Variants in KDM4A observed in about 807,000 individuals in gnomAD.
KDM4A encodes lysine-specific demethylase 4A.
KDM4A carries 23 observed loss-of-function variants against 127.1 expected under a neutral mutation model. That is an observed-to-expected ratio of 0.18 (90% CI 0.13 to 0.26). The LOEUF (loss-of-function observed/expected upper bound fraction) is 0.26. Among genes scored for constraint, KDM4A ranks in the 10% least tolerant of loss-of-function variants. The pLI, the probability that KDM4A is intolerant of heterozygous loss-of-function variation, is 1.00. For missense variants in KDM4A, 890 were observed against 1,329.1 expected (o/e 0.67, Z 5.14); for synonymous variants, 443 against 466.5 (o/e 0.95, Z 0.65).
At chr1:43,691,473 G>A (rs767792031) in intron 14 of KDM4A, 23 bp from the exon 15 acceptor site, 2 of 1,598,504 alleles carry the variant, frequency 1.3e-6, no homozygotes, top group South Asian at 1.1e-5. Flanking sequence ...GGTTTAATTT[G>A]CTCATCTTGG....
chr1:43,678,906 A>C (rs1379408407), intron 11 of KDM4A, among the ~76,000 whole-genome samples: 1 of 152,172 alleles, frequency 6.6e-6, no homozygotes, highest in Admixed American at 6.5e-5. Flanking sequence ...AATTGTGGTA[A>C]TATATACACG....
At position 43,704,982 on chromosome 1, in the gene KDM4A, G is replaced by A. The variant is rs1432134304; in HGVS notation, c.*612G>A. On this transcript the variant is annotated 3_prime_UTR_variant, in exon 22 of 22. Transcript: ENST00000372396. ...CCTGGAACCGTCTCAAGACAGTGCTGGCAAAGCTGCAGTATTGAGATGCTA... is the reference window on the plus strand; with the variant it reads ...CCTGGAACCGTCTCAAGACAGTGCTAGCAAAGCTGCAGTATTGAGATGCTA... 6.5e-6 allele frequency: 1 copy of A among 153,176 alleles called. No individual in the cohort carries two copies. Among genetic ancestry groups the A allele is most frequent in the East Asian group, 1.9e-4 (1 of 5,192 alleles). The allele number at this position is 153,176 out of a possible 1,614,324, so 9.5% of individuals were successfully genotyped here.
intron 11 of KDM4A, among the ~76,000 whole-genome samples, chr1:43,679,196 T>C (rs900044365): frequency 1.9e-4 from 29 of 152,218 alleles, no homozygotes; most frequent in African/African-American, 6.8e-4. Context: ...CTTAATGCCC[T>C]TGCCATAGGC....
chr1:43,654,473 T>C (rs899103817), intron 2 of KDM4A, among the ~76,000 whole-genome samples: 14 of 152,104 alleles, frequency 9.2e-5, no homozygotes, highest in African/African-American at 3.4e-4. Flanking sequence ...TTTTTTTTCT[T>C]TTTTCCTTTT....
At position 43,668,050 on chromosome 1, in the gene KDM4A, G is replaced by A. The variant is rs148484853; in HGVS notation, c.1163+31G>A. ...CCAGCAGCCCTTTTGTCCTGGCTGC[G>A]TGAGGGAGGGATGTCTGGGTAGGTC... is the stretch of plus-strand genomic sequence containing the variant. On this transcript the variant is annotated intron_variant, in intron 9 of 21. Transcript: ENST00000372396. 2.2e-3 allele frequency: 3,549 copies of A among 1,611,582 alleles called. 62 individuals are homozygous for A. In the Admixed American group the frequency reaches 0.034, roughly 16 times the overall value.
At chr1:43,656,500 G>T (rs930935932) in intron 3 of KDM4A, among the ~76,000 whole-genome samples, 3 of 151,294 alleles carry the variant, frequency 2.0e-5, no homozygotes, top group Non-Finnish European at 4.4e-5. Flanking sequence ...ACCATGCTTG[G>T]CTATTTTTTG....
intron 18 of KDM4A, among the ~76,000 whole-genome samples, chr1:43,695,747 A>C (rs1464480443): frequency 1.3e-5 from 2 of 152,222 alleles, no homozygotes. Context: ...AAATGGGAAC[A>C]CATAGGCAGG....
Position 43,699,726 on chromosome 1 carries a change from T to TC in KDM4A, c.2841+1713_2841+1714insC, listed in dbSNP as rs1442140761. On this transcript the variant is annotated intron_variant, in intron 19 of 21. Transcript: ENST00000372396. ...ATTTTGCAAATCTCTTTAATGTCTT[T>TC]TTTTTTTTTTTTTGAGATGGAGTCT... 7 of 150,774 alleles carry TC rather than the reference T, an allele frequency of 4.6e-5. No individual in the cohort carries two copies. In the East Asian group the frequency reaches 1.2e-3, roughly 25 times the overall value. 9.3% of individuals were successfully genotyped at this position (150,774 alleles called of 1,614,324 possible).
intron 18 of KDM4A, among the ~76,000 whole-genome samples, chr1:43,696,581 G>A (rs180760717): frequency 9.2e-4 from 140 of 152,316 alleles, no homozygotes; most frequent in Admixed American, 6.3e-3. Flanking sequence ...AGACTCCGGA[G>A]TGTCTCAAGG....
intron 3 of KDM4A, among the ~76,000 whole-genome samples, chr1:43,655,971 T>C (rs1425203171): frequency 1.3e-5 from 2 of 152,338 alleles, no homozygotes; most frequent in Admixed American, 6.5e-5. Flanking sequence ...CCTGTTCTTA[T>C]AACAACAAAT....
At chr1:43,657,099 T>C (rs937823126) in intron 3 of KDM4A, among the ~76,000 whole-genome samples, 2 of 151,754 alleles carry the variant, frequency 1.3e-5, no homozygotes, top group Non-Finnish European at 2.9e-5. Context: ...TGCTGCCCAG[T>C]TTGGTCTTGA....
chr1:43,669,347 T>C (rs937657202), intron 10 of KDM4A, 48 bp downstream of exon 10: 1 of 1,568,568 alleles, frequency 6.4e-7, no homozygotes, highest in South Asian at 1.1e-5. Context: ...CATATATGTG[T>C]CCCGTGTTAG....
In KDM4A at chr1:43,683,704, T is replaced by G; in HGVS notation, c.1755T>G (p.Phe585Leu). Residue 585 changes from phenylalanine to leucine, a missense_variant, in exon 12 of 22, where the codon TTT (phenylalanine) becomes TTG (leucine). Coordinates refer to ENST00000372396, the MANE Select transcript of KDM4A (RefSeq NM_014663.3). ...CCCAGGTTGCAGATGAATACATGTT[T>G]TCCCTAGAAGAGAATAAGAAGTCCA... ...ELAEVADEYM[F>L]SLEENKKSKG... 6.2e-7 allele frequency: 1 copy of G among 1,613,402 alleles called. No homozygotes were observed. Among genetic ancestry groups the G allele is most frequent in the African/African-American group, 1.3e-5 (1 of 75,026 alleles).
At chr1:43,703,377 A>C in intron 19 of KDM4A, 2 of 379,956 alleles carry the variant, frequency 5.3e-6, no homozygotes, top group Non-Finnish European at 9.6e-6. Context: ...TGTGTTTACT[A>C]AGTTTGTTAT....
At chr1:43,660,460 A>G (rs1358643916) in intron 4 of KDM4A, 48 bp downstream of exon 4, 2 of 1,547,768 alleles carry the variant, frequency 1.3e-6, no homozygotes, top group Non-Finnish European at 1.7e-6. Context: ...TAATTTTGTA[A>G]TACCTTTTTT....
chr1:43,664,949 A>G (rs1035887017), intron 5 of KDM4A, among the ~76,000 whole-genome samples: 8 of 152,200 alleles, frequency 5.3e-5, no homozygotes, highest in Admixed American at 2.0e-4. Flanking sequence ...TTTTATAATG[A>G]AGCTGTTTGC....
chr1:43,673,657 C>G (rs1431098564), intron 11 of KDM4A, among the ~76,000 whole-genome samples: 1 of 152,108 alleles, frequency 6.6e-6, no homozygotes, highest in African/African-American at 2.4e-5. Context: ...TACTGTGTTT[C>G]CTTCTCATTG....
chr1:43,694,174 G>A lies in KDM4A; in HGVS notation c.2484+72G>A. The A allele has an allele frequency of 8.3e-7, 1 of 1,210,998 alleles. No individual in the cohort carries two copies. The highest frequency in any genetic ancestry group is 1.2e-6 in the Non-Finnish European group (1 of 840,530). 75.0% of individuals were successfully genotyped at this position (1,210,998 alleles called of 1,614,324 possible). ...GGGTAGAAGAGAACAGGGACCTCCT[G>A]TACCCCTTGGTTTTGGTTAGAGTTT... On this transcript the variant is annotated intron_variant, in intron 17 of 21. Transcript: ENST00000372396. The surrounding 1 kb of genome is among the most constrained non-coding windows in gnomAD (Gnocchi z 5.2).
chr1:43,662,224 C>T (rs982116546), intron 4 of KDM4A, among the ~76,000 whole-genome samples: 5 of 148,534 alleles, frequency 3.4e-5, no homozygotes, highest in African/African-American at 5.2e-5. Flanking sequence ...CCATGTTTTG[C>T]GATTTTTTTT....
Sources: allele counts gnomAD v4.1 joint callset (sites outside exome capture counted in the v4.1 genomes callset), GRCh38; gene constraint gnomAD v4.1.1; non-coding constraint Gnocchi (gnomAD v3.1); transcripts MANE v1.5; gene names NCBI Gene and HGNC (gene_info 2026-07-23, HGNC 2026-07-21).